Variants in RRAGB observed in about 807,000 individuals in gnomAD.
RRAGB encodes Ras related GTP binding B, also known as ras-related GTP-binding protein B.
In RRAGB, 6 loss-of-function variants were observed where a neutral mutation model predicts 29.3. The ratio of observed to expected loss-of-function variants is 0.21; its 90% CI spans 0.11 to 0.40. RRAGB has a LOEUF of 0.40. Ranked by LOEUF, RRAGB falls within the 10% of genes least tolerant of loss-of-function variation. The pLI, the probability that RRAGB is intolerant of heterozygous loss-of-function variation, is 1.00. For missense variants in RRAGB, 184 were observed against 272.9 expected (o/e 0.67, Z 2.29); for synonymous variants, 101 against 92.5 (o/e 1.09, Z -0.53).
At chrX:55,752,245 G>C in intron 6 of RRAGB, 10 of 753,712 alleles carry the variant, frequency 1.3e-5, no homozygotes, top group Non-Finnish European at 1.6e-5. Context: ...CCATAGAACA[G>C]GTAACCGTGA....
At chrX:55,755,755 G>A in intron 7 of RRAGB, 86 bp from the exon 8 acceptor site, 1 of 1,129,832 alleles carries the variant, frequency 8.9e-7, no homozygotes, top group Non-Finnish European at 1.2e-6. Flanking sequence ...AGTGACCAAG[G>A]GACTGACAAA....
At chrX:55,747,239 G>T (rs759335579) in intron 5 of RRAGB, among the ~76,000 whole-genome samples, 2 of 112,384 alleles carry the variant, frequency 1.8e-5, no homozygotes, top group East Asian at 5.6e-4. Flanking sequence ...TTTCAATTTT[G>T]CCAGCTTCAT....
chrX:55,747,547 G>C (rs1467133454), intron 5 of RRAGB, among the ~76,000 whole-genome samples: 1 of 111,707 alleles, frequency 9.0e-6, no homozygotes, highest in African/African-American at 3.3e-5. Flanking sequence ...GCACAATTAG[G>C]ATCAGCCAGC....
rs1302993743 is a variant in RRAGB at position 55,751,212 on chromosome X, T to G, written c.612+16T>G. On this transcript the variant is annotated intron_variant, in intron 6 of 9. Coordinates refer to ENST00000374941, the MANE Select transcript of RRAGB (RefSeq NM_006064.5). ...CCTCTATAAGGTGTGTATGTCTCCCTGAGTTCCCTCATTTTAAGAGCATGA... is the reference window on the plus strand; with the variant it reads ...CCTCTATAAGGTGTGTATGTCTCCCGGAGTTCCCTCATTTTAAGAGCATGA... 1.1e-6 allele frequency: 1 copy of G among 924,873 alleles called. No individual in the cohort carries two copies. The highest frequency in any genetic ancestry group is 2.5e-5 in the Admixed American group (1 of 39,493). The allele number at this position is 924,873 out of a possible 1,213,427, so 76.2% of individuals were successfully genotyped here. A position where few individuals can be genotyped will look rare whatever the true frequency, so the allele number is the denominator to read the frequency against.
At chrX:55,739,095 CCA>C (rs2033962948) in intron 5 of RRAGB, among the ~76,000 whole-genome samples, 1 of 112,928 alleles carries the variant, frequency 8.9e-6, no homozygotes, top group African/African-American at 3.2e-5. Context: ...GGTATCACAT[CCA>C]CAGTCTTCTG....
chrX:55,718,242 G>T lies in RRAGB; in HGVS notation c.-86G>T. ...AGGCGATGAGAATAGGCAGTTGAGG[G>T]GTGAAAAAGAAAACAAACAAACAAC... On this transcript the variant is annotated 5_prime_UTR_variant, in exon 1 of 10. Transcript: ENST00000374941. The T allele has an allele frequency of 1.4e-6, 1 of 700,692 alleles. No homozygotes were observed. The highest frequency in any genetic ancestry group is 3.3e-5 in the South Asian group (1 of 30,457). 57.7% of individuals were successfully genotyped at this position (700,692 alleles called of 1,213,427 possible).
chrX:55,733,994 C>T (rs185698421), intron 5 of RRAGB, among the ~76,000 whole-genome samples: 1,599 of 105,964 alleles, frequency 0.015, 37 homozygotes, highest in African/African-American at 0.052. Flanking sequence ...GACGGAGTCT[C>T]GCTCTTTCAC....
intron 3 of RRAGB, among the ~76,000 whole-genome samples, chrX:55,725,347 G>A (rs762668859): frequency 9.0e-6 from 1 of 111,500 alleles, no homozygotes; most frequent in Non-Finnish European, 1.9e-5. Flanking sequence ...TATTATGTTG[G>A]TCTTAAGGCT....
At position 55,751,829 on chromosome X, in the gene RRAGB, G is replaced by C. The variant is rs186512316; in HGVS notation, c.612+633G>C. ...CTGAAATTACCTTATTGGCACATAG[G>C]CTCCTTATTCTGATTCCTCCCTTTC... On this transcript the variant is annotated intron_variant, in intron 6 of 9. Coordinates refer to ENST00000374941, the MANE Select transcript of RRAGB (RefSeq NM_006064.5). Among the ~76,000 whole-genome samples the C allele has an allele frequency of 2.7e-5, 3 of 111,270 alleles. No homozygotes were observed. In the Admixed American group the frequency reaches 2.9e-4, roughly 11 times the overall value.
intron 3 of RRAGB, 25 bp from the exon 4 acceptor site, chrX:55,729,269 T>C (rs777537702): frequency 1.8e-6 from 2 of 1,095,703 alleles, no homozygotes; most frequent in Non-Finnish European, 2.5e-6. Context: ...TTATAATTAC[T>C]AGATTTGTCA....
intron 5 of RRAGB, among the ~76,000 whole-genome samples, chrX:55,735,214 G>A (rs537925413): frequency 3.2e-4 from 36 of 111,895 alleles, no homozygotes; most frequent in African/African-American, 1.1e-3. Context: ...TGTCCATGGC[G>A]TGTTGTAGTC....
chrX:55,729,442 A>G (rs1269182216), intron 4 of RRAGB, 82 bp downstream of exon 4: 2 of 555,904 alleles, frequency 3.6e-6, no homozygotes, highest in African/African-American at 4.6e-5. Context: ...GAATACACCT[A>G]GAGTAACTAT....
chrX:55,741,809 A>G (rs920181261), intron 5 of RRAGB, among the ~76,000 whole-genome samples: 6 of 112,126 alleles, frequency 5.4e-5, no homozygotes, highest in Non-Finnish European at 9.4e-5. Flanking sequence ...AACTACCTTC[A>G]CAGTGATATC....
At chrX:55,751,003 CA>C in intron 5 of RRAGB, 97 bp from the exon 6 acceptor site, 1 of 529,638 alleles carries the variant, frequency 1.9e-6, no homozygotes, top group Non-Finnish European at 2.9e-6. Flanking sequence ...TAGAAAGGAA[CA>C]AAAGCTCCTG....
chrX:55,727,232 A>T, intron 3 of RRAGB: 3 of 1,033,676 alleles, frequency 2.9e-6, no homozygotes, highest in Non-Finnish European at 3.9e-6. Flanking sequence ...ATGTCTAAAC[A>T]GTCACTGACT....
chrX:55,736,193 G>A (rs1602038717), intron 5 of RRAGB, among the ~76,000 whole-genome samples: 1 of 112,154 alleles, frequency 8.9e-6, no homozygotes, highest in African/African-American at 3.2e-5. Flanking sequence ...CCTCAAATGG[G>A]TTTTCCAAGC....
chrX:55,755,609 C>T (rs372017788), intron 7 of RRAGB: 318 of 744,216 alleles, frequency 4.3e-4, no homozygotes, highest in Non-Finnish European at 4.9e-4. Context: ...ATAGGCAATA[C>T]GTAAATGATT....
At chrX:55,756,069 A>G in intron 8 of RRAGB, 137 bp downstream of exon 8, 1 of 436,740 alleles carries the variant, frequency 2.3e-6, no homozygotes, top group Non-Finnish European at 3.9e-6. Flanking sequence ...CTAAATTCTA[A>G]GGGGCCTCCA....
intron 5 of RRAGB, among the ~76,000 whole-genome samples, chrX:55,743,921 C>T (rs899750112): frequency 8.9e-6 from 1 of 112,102 alleles, no homozygotes; most frequent in Admixed American, 9.4e-5. Context: ...AACTTTCTTT[C>T]TGTAAAGAAA....
Sources: gnomAD v4.1 joint callset for allele counts (sites outside exome capture counted in the v4.1 genomes callset) on GRCh38, gnomAD v4.1.1 for gene constraint, MANE v1.5 for transcripts, NCBI Gene and HGNC (gene_info 2026-07-23, HGNC 2026-07-21) for gene names.